The following ERCC4 variants were observed in gnomAD, a reference collection of about 807,000 sequenced individuals.
ERCC4 encodes the protein DNA repair endonuclease XPF.
Under a neutral mutation model 76.9 loss-of-function variants are expected in ERCC4, and 65 were observed. The ratio of observed to expected loss-of-function variants is 0.84; its 90% CI spans 0.69 to 1.04. The LOEUF (loss-of-function observed/expected upper bound fraction) is 1.04. Among genes scored for constraint, ERCC4 ranks in the 50% least tolerant of loss-of-function variants. The pLI is 0.00. For synonymous variants in ERCC4, 463 were observed against 410.1 expected, an observed-to-expected ratio of 1.13 and a Z score of -1.56; for missense variants, 1,214 against 1,128.2, an observed-to-expected ratio of 1.08 and a Z score of -1.09.
chr16:13,946,324 C>A (rs538816485), intron 10 of ERCC4, among the ~76,000 whole-genome samples: 1 of 152,244 alleles, frequency 6.6e-6, no homozygotes, highest in South Asian at 2.1e-4. Context: ...GACGGTCTAG[C>A]CTGCTGCACA....
intron 9 of ERCC4, among the ~76,000 whole-genome samples, chr16:13,939,655 G>A (rs2032375917): frequency 6.6e-6 from 1 of 152,156 alleles, no homozygotes; most frequent in Admixed American, 6.5e-5. Context: ...AGCATTCTAA[G>A]TAGGAAAGGG....
intron 10 of ERCC4, among the ~76,000 whole-genome samples, chr16:13,946,066 C>A (rs972681248): frequency 6.6e-6 from 1 of 152,178 alleles, no homozygotes; most frequent in African/African-American, 2.4e-5. Context: ...CCTTTTCCAG[C>A]CTCTAGAGGC....
At position 13,926,592 on chromosome 16, in the gene ERCC4, C is replaced by A; in HGVS notation, c.420C>A (p.Ile140=). The A allele has an allele frequency of 1.2e-6, 2 of 1,614,056 alleles. No homozygotes were observed. Among genetic ancestry groups the A allele is most frequent in the Non-Finnish European group, 1.7e-6 (2 of 1,179,992 alleles). Residue 140 remains isoleucine, a synonymous_variant, in exon 3 of 11, where the codon ATC becomes ATA. Transcript: ENST00000311895. ...TGGTGTATAGAGCCCACAGAATAAT[C>A]GAGTCTTGTCAAGAAGCATTCATCT... ...GILVYRAHRI[I]ESCQEAFILR...
At position 13,921,733 on chromosome 16, in the gene ERCC4, A is replaced by C. The variant is rs111421514; in HGVS notation, c.208-298A>C. 2.1e-4 allele frequency among the ~76,000 whole-genome samples: 32 copies of C among 152,290 alleles called. 1 individual carries two copies. Among genetic ancestry groups the C allele is most frequent in the African/African-American group, 7.2e-4 (30 of 41,542 alleles). On this transcript the variant is annotated intron_variant, in intron 1 of 10. Transcript: ENST00000311895. ...GGGAAGTATTTTCTAGGTAGCAGAA[A>C]TCTTTTAATCCAGGCTTTTAAAAGT... is the stretch of plus-strand genomic sequence containing the variant.
Position 13,926,550 on chromosome 16 carries a change from C to A in ERCC4, c.389-11C>A. 1 of 1,611,050 alleles carries A rather than the reference C, an allele frequency of 6.2e-7. No homozygotes were observed. Among genetic ancestry groups the A allele is most frequent in the South Asian group, 1.1e-5 (1 of 91,008 alleles). On this transcript the variant is annotated splice_polypyrimidine_tract_variant and intron_variant, in intron 2 of 10. Transcript: ENST00000311895. ...CTGTTCTGTAGTTTAAATTATGTTT[C>A]TCCCCCTCAGGCATCTTGGTGTATA...
Position 13,949,345 on chromosome 16 carries a change from T to C in ERCC4, c.*998T>C, listed in dbSNP as rs1210789127. 1 of 233,598 alleles carries C rather than the reference T, an allele frequency of 4.3e-6. No individual in the cohort carries two copies. The highest frequency in any genetic ancestry group is 8.5e-6 in the Non-Finnish European group (1 of 118,326). 14.5% of individuals were successfully genotyped at this position (233,598 alleles called of 1,614,324 possible). A position where few individuals can be genotyped will look rare whatever the true frequency, so the allele number is the denominator to read the frequency against. On this transcript the variant is annotated 3_prime_UTR_variant, in exon 11 of 11. Coordinates refer to ENST00000311895, the MANE Select transcript of ERCC4 (RefSeq NM_005236.3). ...TCTAGAAATACAACCTAATTGGCAG[T>C]GAGCCGAGATCGCACCACTGCACCC...
chr16:13,932,311 A>G (rs367668000), intron 6 of ERCC4, 26 bp downstream of exon 6: 1 of 1,598,810 alleles, frequency 6.3e-7, no homozygotes, highest in Non-Finnish European at 8.6e-7. Context: ...AAGTCTTTAA[A>G]TGTGTTTTTT....
At chr16:13,944,152 ATC>A (rs2032470935) in intron 9 of ERCC4, 1 of 156,638 alleles carries the variant, frequency 6.4e-6, no homozygotes, top group Admixed American at 6.2e-5. Context: ...TTTTGTTTTA[ATC>A]TCTGATAGAA....
chr16:13,948,227 A>G lies in ERCC4; in HGVS notation c.2631A>G (p.Ala877=). 1 of 1,614,202 alleles carries G rather than the reference A, an allele frequency of 6.2e-7. No homozygotes were observed. The highest frequency in any genetic ancestry group is 8.5e-7 in the Non-Finnish European group (1 of 1,180,034). The change falls in exon 11 of 11, where the codon GCA becomes GCG. Residue 877 remains alanine (A), a synonymous_variant. Transcript: ENST00000311895. ...MHHVKNIAEL[A]ALSQDELTSI... Reference sequence around the variant, plus strand: ...ACGTTAAGAACATCGCAGAATTAGCAGCCCTGTCACAAGACGAGCTCACGA... The same window carrying G: ...ACGTTAAGAACATCGCAGAATTAGCGGCCCTGTCACAAGACGAGCTCACGA...
At position 13,949,262 on chromosome 16, in the gene ERCC4, T is replaced by G. The variant is rs1434483482; in HGVS notation, c.*915T>G. The G allele has an allele frequency of 4.3e-6, 1 of 232,794 alleles. No homozygotes were observed. 14.4% of individuals were successfully genotyped at this position (232,794 alleles called of 1,614,324 possible). A position where few individuals can be genotyped will look rare whatever the true frequency, so the allele number is the denominator to read the frequency against. On this transcript the variant is annotated 3_prime_UTR_variant, in exon 11 of 11. Transcript: ENST00000311895. ...TAAGTCCAGCTGGCTAGTTACAGAGTTTTTTCAGACTTCCTCGTTTCTCAG... is the reference window on the plus strand; with the variant it reads ...TAAGTCCAGCTGGCTAGTTACAGAGGTTTTTCAGACTTCCTCGTTTCTCAG...
rs3136204 is a variant in ERCC4 at position 13,944,426 on chromosome 16, C to T, written c.1905-297C>T. On this transcript the variant is annotated intron_variant, in intron 9 of 10. Coordinates refer to ENST00000311895, the MANE Select transcript of ERCC4 (RefSeq NM_005236.3). ...ATTTTTTACATGTGGCATTTTTTGACATGCTTGTGTTGTTTCTTAAATATT... is the reference window on the plus strand; with the variant it reads ...ATTTTTTACATGTGGCATTTTTTGATATGCTTGTGTTGTTTCTTAAATATT... 5.3e-5 allele frequency among the ~76,000 whole-genome samples: 8 copies of T among 152,228 alleles called. No individual in the cohort carries two copies. In the East Asian group the frequency reaches 1.5e-3, roughly 29 times the overall value.
intron 7 of ERCC4, 73 bp downstream of exon 7, chr16:13,934,375 A>C: frequency 1.0e-6 from 1 of 992,282 alleles, no homozygotes; most frequent in Non-Finnish European, 1.6e-6. Context: ...TAGCTCTTTA[A>C]AAGTAGTTCA....
intron 9 of ERCC4, among the ~76,000 whole-genome samples, chr16:13,938,424 C>A (rs778794994): frequency 6.6e-5 from 10 of 152,178 alleles, no homozygotes; most frequent in African/African-American, 9.7e-5. Flanking sequence ...AAATGCCCTT[C>A]CATTTTACGA....
In ERCC4 at chr16:13,920,192, G is replaced by C. The variant is rs1260753835; in HGVS notation, c.27G>C (p.Arg9=). Reference sequence around the variant, plus strand: ...TGGAGTCAGGGCAGCCGGCTCGACGGATTGCCATGGCGCCGCTGCTGGAGT... The same window carrying C: ...TGGAGTCAGGGCAGCCGGCTCGACGCATTGCCATGGCGCCGCTGCTGGAGT... The part of the protein sequence containing the change: MESGQPAR[R]IAMAPLLEYE... Residue 9 remains arginine, a synonymous_variant, in exon 1 of 11, where the codon CGG becomes CGC. Coordinates refer to ENST00000311895, the MANE Select transcript of ERCC4 (RefSeq NM_005236.3). 8 of 1,606,734 alleles carry C rather than the reference G, an allele frequency of 5.0e-6. No individual in the cohort carries two copies. The highest frequency in any genetic ancestry group is 6.8e-6 in the Non-Finnish European group (8 of 1,179,900).
At chr16:13,942,676 G>T (rs998454667) in intron 9 of ERCC4, among the ~76,000 whole-genome samples, 13 of 151,946 alleles carry the variant, frequency 8.6e-5, no homozygotes, top group African/African-American at 2.7e-4. Context: ...CTAAGGTCAC[G>T]TGGCCAGTAA....
chr16:13,950,935 A>G lies in ERCC4; in HGVS notation c.*2588A>G, dbSNP rs188840787. 7.8e-4 allele frequency: 152 copies of G among 196,052 alleles called. No homozygotes were observed. Among genetic ancestry groups the G allele is most frequent in the African/African-American group, 3.1e-3 (136 of 43,332 alleles). 12.1% of individuals were successfully genotyped at this position (196,052 alleles called of 1,614,324 possible). A position where few individuals can be genotyped will look rare whatever the true frequency, so the allele number is the denominator to read the frequency against. ...ATACCAGTGCCCCCCTGGCTCTCCA[A>G]ATCTGTTCTTTGCTCTTGTATCTGC... On this transcript the variant is annotated 3_prime_UTR_variant, in exon 11 of 11. Coordinates refer to ENST00000311895, the MANE Select transcript of ERCC4 (RefSeq NM_005236.3).
chr16:13,928,751 G>A (rs1253530413), intron 4 of ERCC4, among the ~76,000 whole-genome samples: 1 of 152,046 alleles, frequency 6.6e-6, no homozygotes, highest in Non-Finnish European at 1.5e-5. Flanking sequence ...GATTAATATT[G>A]CAGATATATA....
At position 13,920,388 on chromosome 16, in the gene ERCC4, C is replaced by G. The variant is rs1470696911; in HGVS notation, c.207+16C>G. ...GGCCGAGGAGGTGCGGCCGCGCTGG[C>G]GCGGGAGTGAGGGGACTCCGAGAGT... is the stretch of plus-strand genomic sequence containing the variant. On this transcript the variant is annotated intron_variant, in intron 1 of 10. Transcript: ENST00000311895. 6.5e-7 allele frequency: 1 copy of G among 1,550,016 alleles called. No homozygotes were observed. Among genetic ancestry groups the G allele is most frequent in the South Asian group, 1.2e-5 (1 of 85,930 alleles).
At chr16:13,936,452 G>T (rs1177083369) in intron 8 of ERCC4, among the ~76,000 whole-genome samples, 2 of 152,250 alleles carry the variant, frequency 1.3e-5, no homozygotes, top group Non-Finnish European at 2.9e-5. Flanking sequence ...GCAGGATGAA[G>T]AGATTAGATG....
Sources: gnomAD v4.1 joint callset for allele counts (sites outside exome capture counted in the v4.1 genomes callset) on GRCh38, gnomAD v4.1.1 for gene constraint, MANE v1.5 for transcripts, NCBI Gene and HGNC (gene_info 2026-07-23, HGNC 2026-07-21) for gene names.